Variants in SH3GL3 observed in about 807,000 individuals in gnomAD.
SH3GL3 encodes the protein SH3 domain containing GRB2 like 3, endophilin A3.
Under a neutral mutation model 47.7 loss-of-function variants are expected in SH3GL3, and 33 were observed. The observed-to-expected ratio is 0.69, with a 90% CI of 0.52 to 0.92. The LOEUF is 0.92. Among genes scored for constraint, SH3GL3 ranks in the 40% least tolerant of loss-of-function variants. SH3GL3 has a pLI of 0.00. For synonymous variants in SH3GL3, 155 were observed against 148.8 expected (o/e 1.04, Z -0.30); for missense variants, 363 against 417.8 (o/e 0.87, Z 1.14).
chr15:83,531,163 T>C (rs1463920211), intron 1 of SH3GL3, among the ~76,000 whole-genome samples: 1 of 152,200 alleles, frequency 6.6e-6, no homozygotes, highest in Non-Finnish European at 1.5e-5. Context: ...GTGTGCACCA[T>C]TCTAGTGCTG....
intron 5 of SH3GL3, among the ~76,000 whole-genome samples, chr15:83,575,247 T>G (rs1265954418): frequency 1.3e-5 from 2 of 152,166 alleles, no homozygotes; most frequent in African/African-American, 2.4e-5. Context: ...CAAGTTTTAT[T>G]TCTTCTTGTG....
chr15:83,573,778 T>A (rs187044989), intron 5 of SH3GL3, among the ~76,000 whole-genome samples: 1 of 152,192 alleles, frequency 6.6e-6, no homozygotes, highest in East Asian at 1.9e-4. Flanking sequence ...TATTCATCCA[T>A]CAACTGTGTA....
intron 1 of SH3GL3, among the ~76,000 whole-genome samples, chr15:83,466,089 A>T (rs1326589349): frequency 6.6e-6 from 1 of 152,042 alleles, no homozygotes; most frequent in Non-Finnish European, 1.5e-5. Flanking sequence ...CTTCATTTCT[A>T]TAATTTTGTC....
chr15:83,583,813 C>T (rs1021210858), intron 6 of SH3GL3, among the ~76,000 whole-genome samples: 5 of 152,096 alleles, frequency 3.3e-5, no homozygotes. Context: ...CCCTGGGATA[C>T]AGCCAAACCA....
chr15:83,568,040 T>C (rs1202536357), intron 3 of SH3GL3, among the ~76,000 whole-genome samples: 1 of 151,228 alleles, frequency 6.6e-6, no homozygotes, highest in African/African-American at 2.4e-5. Context: ...TAGAGTGCAA[T>C]GGCGCGATCT....
intron 7 of SH3GL3, 30 bp downstream of exon 7, chr15:83,587,116 A>G (rs1343022749): frequency 1.7e-6 from 2 of 1,155,598 alleles, no homozygotes; most frequent in Admixed American, 3.7e-5. Flanking sequence ...TTACAAGCCA[A>G]GGGCTGCGGA....
intron 8 of SH3GL3, among the ~76,000 whole-genome samples, chr15:83,599,006 A>C (rs1259494812): frequency 6.6e-6 from 1 of 152,212 alleles, no homozygotes; most frequent in African/African-American, 2.4e-5. Context: ...CAATTCTCTG[A>C]AGACTATTTT....
At chr15:83,542,905 T>G (rs1042685698) in intron 1 of SH3GL3, among the ~76,000 whole-genome samples, 1 of 152,186 alleles carries the variant, frequency 6.6e-6, no homozygotes, top group Admixed American at 6.5e-5. Flanking sequence ...TCATGTTATT[T>G]GCAAACAAGG....
intron 1 of SH3GL3, among the ~76,000 whole-genome samples, chr15:83,499,914 G>A (rs561381936): frequency 1.2e-4 from 18 of 152,130 alleles, no homozygotes; most frequent in East Asian, 3.8e-4. Context: ...CAAGAGCCTC[G>A]CAACTCCCTG....
At chr15:83,548,218 A>G (rs1393944602) in intron 1 of SH3GL3, among the ~76,000 whole-genome samples, 3 of 151,732 alleles carry the variant, frequency 2.0e-5, no homozygotes, top group Non-Finnish European at 4.4e-5. Flanking sequence ...ACCTCACAAG[A>G]CATTACTTTT....
At chr15:83,542,611 A>G (rs1026288758) in intron 1 of SH3GL3, among the ~76,000 whole-genome samples, 2 of 152,118 alleles carry the variant, frequency 1.3e-5, no homozygotes, top group Non-Finnish European at 2.9e-5. Context: ...AACATGAACT[A>G]TCTTTCTATT....
chr15:83,579,499 C>A (rs1000912184), intron 6 of SH3GL3, among the ~76,000 whole-genome samples: 1 of 152,170 alleles, frequency 6.6e-6, no homozygotes, highest in Non-Finnish European at 1.5e-5. Flanking sequence ...TAGGCTCTTC[C>A]CTCCTTCCTG....
intron 1 of SH3GL3, among the ~76,000 whole-genome samples, chr15:83,520,017 C>G (rs899451543): frequency 6.6e-6 from 1 of 152,312 alleles, no homozygotes; most frequent in Non-Finnish European, 1.5e-5. Context: ...GTCAGAGGGT[C>G]GGAGACAAAT....
At chr15:83,596,431 T>G (rs1415855670) in intron 8 of SH3GL3, among the ~76,000 whole-genome samples, 2 of 152,178 alleles carry the variant, frequency 1.3e-5, no homozygotes, top group Non-Finnish European at 2.9e-5. Flanking sequence ...TCTTGCTGAT[T>G]TTTTGGTCTA....
chr15:83,514,435 G>A (rs1308371108), intron 1 of SH3GL3, among the ~76,000 whole-genome samples: 1 of 152,108 alleles, frequency 6.6e-6, no homozygotes, highest in East Asian at 1.9e-4. Flanking sequence ...GTTGGAGGGA[G>A]CAAAAGAGAG....
At chr15:83,559,187 A>C in intron 1 of SH3GL3, 66 bp from the exon 2 acceptor site, 1 of 935,150 alleles carries the variant, frequency 1.1e-6, no homozygotes, top group Non-Finnish European at 1.7e-6. Context: ...TGTTTTTAAT[A>C]ATTTAGGTAA....
chr15:83,537,258 T>C (rs937503215), intron 1 of SH3GL3, among the ~76,000 whole-genome samples: 2 of 152,196 alleles, frequency 1.3e-5, no homozygotes, highest in Admixed American at 6.5e-5. Flanking sequence ...GATCTCCACA[T>C]CCACTTTGGG....
intron 1 of SH3GL3, among the ~76,000 whole-genome samples, chr15:83,450,037 A>G (rs1293372806): frequency 6.6e-6 from 1 of 152,226 alleles, no homozygotes; most frequent in Non-Finnish European, 1.5e-5. Context: ...GATGATGTCA[A>G]TGGCTAAAAT....
intron 1 of SH3GL3, among the ~76,000 whole-genome samples, chr15:83,525,643 C>T (rs1274961488): frequency 6.6e-6 from 1 of 152,036 alleles, no homozygotes; most frequent in Non-Finnish European, 1.5e-5. Context: ...TCTGGTAGTT[C>T]ATAGTTTGGG....
Sources: allele counts gnomAD v4.1 joint callset (sites outside exome capture counted in the v4.1 genomes callset), GRCh38; gene constraint gnomAD v4.1.1; transcripts MANE v1.5; gene names NCBI Gene and HGNC (gene_info 2026-07-23, HGNC 2026-07-21).